SMAD4: variants seen among roughly 807,000 people sequenced by gnomAD.
SMAD4 encodes SMAD family member 4.
Under a neutral mutation model 63.2 loss-of-function variants are expected in SMAD4, and 7 were observed. That is an observed-to-expected ratio of 0.11 (90% CI 0.06 to 0.21). SMAD4 has a LOEUF of 0.21. Ranked by LOEUF, SMAD4 falls within the 10% of genes least tolerant of loss-of-function variation. The pLI is 1.00. For synonymous variants in SMAD4, 215 were observed against 235.4 expected, an observed-to-expected ratio of 0.91 and a Z score of 0.79; for missense variants, 312 against 693.8, an observed-to-expected ratio of 0.45 and a Z score of 6.18.
chr18:51,067,159 A>G lies in SMAD4; in HGVS notation c.1280A>G (p.His427Arg), dbSNP rs1555686619. ...GGGCGTGCACCTGGAGATGCTGTTC[A>G]TAAGATCTACCCAAGTGCATATATA... ...EAGRAPGDAV[H>R]KIYPSAYIKV... is the part of the protein sequence containing the mutation. Residue 427 changes from histidine (H) to arginine (R), a missense_variant, in exon 10 of 12, where the codon CAT becomes CGT. Physicochemically the swap from His to Arg is conservative, Grantham distance 29. This residue lies in a region of SMAD4 where 92 missense variants were observed against 305.9 expected (regional missense o/e 0.30). Transcript: ENST00000342988. 1.2e-6 allele frequency: 2 copies of G among 1,604,664 alleles called. No homozygotes were observed. Among genetic ancestry groups the G allele is most frequent in the Non-Finnish European group, 1.7e-6 (2 of 1,171,476 alleles).
At position 51,047,017 on chromosome 18, in the gene SMAD4, T is replaced by C; in HGVS notation, c.-30T>C. The C allele has an allele frequency of 6.2e-7, 1 of 1,605,494 alleles. No individual in the cohort carries two copies. On this transcript the variant is annotated 5_prime_UTR_variant, in exon 2 of 12. Transcript: ENST00000342988. ...AAAATTGCTTCAGAAATTGGAGACA[T>C]ATTTGATTTAAAAGGAAAAACTTGA...
chr18:51,055,155 G>A (rs1283266872), intron 5 of SMAD4, among the ~76,000 whole-genome samples, 162 bp downstream of exon 5: 1 of 152,126 alleles, frequency 6.6e-6, no homozygotes, highest in Non-Finnish European at 1.5e-5. Flanking sequence ...ACAATCACTT[G>A]GAATTTAAGT....
chr18:51,084,168 G>C lies in SMAD4; in HGVS notation c.*5701G>C, dbSNP rs1910691217. 4.3e-6 allele frequency: 1 copy of C among 230,448 alleles called. No individual in the cohort carries two copies. Among genetic ancestry groups the C allele is most frequent in the Admixed American group, 5.7e-5 (1 of 17,668 alleles). The allele number at this position is 230,448 out of a possible 1,614,324, so 14.3% of individuals were successfully genotyped here. ...TTCGAGTCATGACATTATAGCTTTT[G>C]AGTTGGTGTGTGTGACACCACCCTC... On this transcript the variant is annotated 3_prime_UTR_variant, in exon 12 of 12. Coordinates refer to ENST00000342988, the MANE Select transcript of SMAD4 (RefSeq NM_005359.6).
chr18:51,067,451 C>T (rs113394161), intron 10 of SMAD4, among the ~76,000 whole-genome samples: 5 of 151,958 alleles, frequency 3.3e-5, no homozygotes, highest in Non-Finnish European at 7.4e-5. Context: ...TTGCTCTCGT[C>T]GCCCAGGCTG....
intron 1 of SMAD4, among the ~76,000 whole-genome samples, chr18:51,035,080 C>T (rs564293980): frequency 2.6e-5 from 4 of 152,236 alleles, no homozygotes; most frequent in Non-Finnish European, 5.9e-5. Context: ...GTAGCCATCT[C>T]ACACATCTAA....
chr18:51,047,478 G>GT (rs1222132810), intron 2 of SMAD4, among the ~76,000 whole-genome samples, 183 bp downstream of exon 2: 1 of 152,108 alleles, frequency 6.6e-6, no homozygotes, highest in Non-Finnish European at 1.5e-5. Flanking sequence ...AAATCTTAAA[G>GT]TTTTTTAATG....
intron 1 of SMAD4, among the ~76,000 whole-genome samples, chr18:51,041,591 G>A (rs1909385239): frequency 6.6e-6 from 1 of 152,150 alleles, no homozygotes; most frequent in Admixed American, 6.5e-5. Flanking sequence ...GTCCCCTGAG[G>A]GACAAAGTTG....
At chr18:51,063,601 C>T (rs140280491) in intron 8 of SMAD4, among the ~76,000 whole-genome samples, 14 of 152,072 alleles carry the variant, frequency 9.2e-5, no homozygotes, top group African/African-American at 2.9e-4. Context: ...TTCGTAGAGA[C>T]GCGGTTTCAC....
chr18:51,061,095 AT>A (rs1909999598), intron 8 of SMAD4, among the ~76,000 whole-genome samples: 1 of 152,078 alleles, frequency 6.6e-6, no homozygotes, highest in South Asian at 2.1e-4. Flanking sequence ...TTGTGGGTAC[AT>A]AGGAGATGTA....
intron 10 of SMAD4, among the ~76,000 whole-genome samples, chr18:51,070,007 T>G (rs527837951): frequency 6.6e-6 from 1 of 152,340 alleles, no homozygotes; most frequent in African/African-American, 2.4e-5. Flanking sequence ...TTGGAGAGGA[T>G]GACTATTTTA....
chr18:51,050,174 A>G (rs1005476866), intron 4 of SMAD4, among the ~76,000 whole-genome samples: 2 of 152,080 alleles, frequency 1.3e-5, no homozygotes, highest in African/African-American at 2.4e-5. Flanking sequence ...CCTGGCCAAC[A>G]TGGTGAAACC....
At chr18:51,071,368 C>G (rs998835536) in intron 10 of SMAD4, among the ~76,000 whole-genome samples, 57 of 151,978 alleles carry the variant, frequency 3.8e-4, no homozygotes, top group Non-Finnish European at 2.8e-4. Flanking sequence ...AGCCAAGAAG[C>G]TAGGACTAAA....
intron 8 of SMAD4, among the ~76,000 whole-genome samples, chr18:51,062,846 TAC>T (rs1910051149): frequency 7.1e-6 from 1 of 141,138 alleles, no homozygotes. Context: ...AATCTGGCTT[TAC>T]TTGTTTTTTT....
rs1599192552 is a variant in SMAD4, at chr18:51,061,600, GGAA to G, written c.955+1685_955+1687del. Reference sequence around the variant, plus strand: ...AAGCATAAAGAATTTTAAGCATACCGGAATAATACAGGAAGTTCCCCCATTGTA... The same window carrying G: ...AAGCATAAAGAATTTTAAGCATACCGTAATACAGGAAGTTCCCCCATTGTA... On this transcript the variant is annotated intron_variant, in intron 8 of 11. Transcript: ENST00000342988. 1.9e-4 allele frequency among the ~76,000 whole-genome samples: 29 copies of G among 152,170 alleles called. No homozygotes were observed. The East Asian group carries it at 5.4e-3, about 28-fold the overall frequency.
intron 1 of SMAD4, among the ~76,000 whole-genome samples, chr18:51,034,526 T>TAA (rs1175711057): frequency 1.3e-5 from 2 of 151,898 alleles, no homozygotes; most frequent in East Asian, 3.9e-4. Context: ...GCTGGGATTA[T>TAA]AGGCATGAGC....
intron 1 of SMAD4, among the ~76,000 whole-genome samples, chr18:51,034,158 T>A (rs909106451): frequency 6.6e-6 from 1 of 152,282 alleles, no homozygotes; most frequent in Non-Finnish European, 1.5e-5. Context: ...TTATTGCTTT[T>A]TTACTCCCAA....
intron 3 of SMAD4, 36 bp from the exon 4 acceptor site, chr18:51,049,259 T>TA: frequency 7.0e-7 from 1 of 1,419,690 alleles, no homozygotes; most frequent in South Asian, 1.2e-5. Context: ...TTGTAATGAT[T>TA]AATGTTTCAT....
rs746789530 is a variant in SMAD4 at position 51,084,111 on chromosome 18, C to T, written c.*5644C>T. 76 of 232,126 alleles carry T rather than the reference C, an allele frequency of 3.3e-4. No individual in the cohort carries two copies. The highest frequency in any genetic ancestry group is 5.4e-4 in the Non-Finnish European group (63 of 117,436). The allele number at this position is 232,126 out of a possible 1,614,324, so 14.4% of individuals were successfully genotyped here. On this transcript the variant is annotated 3_prime_UTR_variant, in exon 12 of 12. Coordinates refer to ENST00000342988, the MANE Select transcript of SMAD4 (RefSeq NM_005359.6). Reference sequence around the variant, plus strand: ...TGAATTGCGTGCACACACACACGCACGCACACACTCTGGTCAGAGTTTATT... The same window carrying T: ...TGAATTGCGTGCACACACACACGCATGCACACACTCTGGTCAGAGTTTATT...
At chr18:51,050,862 A>G (rs910083782) in intron 4 of SMAD4, among the ~76,000 whole-genome samples, 2 of 151,896 alleles carry the variant, frequency 1.3e-5, no homozygotes, top group Non-Finnish European at 2.9e-5. Flanking sequence ...ATCACTGGTA[A>G]TGGAGGAAGA....
Sources: allele counts gnomAD v4.1 joint callset (sites outside exome capture counted in the v4.1 genomes callset), GRCh38; gene constraint gnomAD v4.1.1; regional missense constraint gnomAD v4.1.1; transcripts MANE v1.5; gene names NCBI Gene and HGNC (gene_info 2026-07-23, HGNC 2026-07-21).